Variants in PRKN observed in about 807,000 individuals in gnomAD.
PRKN encodes E3 ubiquitin-protein ligase parkin.
PRKN carries 56 observed loss-of-function variants against 59.5 expected under a neutral mutation model. The observed-to-expected ratio is 0.94, with a 90% CI of 0.76 to 1.18. PRKN has a LOEUF of 1.18. Among genes scored for constraint, PRKN ranks in the 50% most tolerant of loss-of-function variants. The probability of loss-of-function intolerance (pLI) is 0.00; values close to 1 mark genes in which losing one functional copy is unlikely to be tolerated. For missense variants in PRKN, 657 were observed against 596.4 expected, an observed-to-expected ratio of 1.10 and a Z score of -1.06; for synonymous variants, 250 against 222.1, an observed-to-expected ratio of 1.13 and a Z score of -1.12.
In PRKN at chr6:162,629,557, T is replaced by A. The variant is rs558889413; in HGVS notation, c.7+98105A>T. ...ATGATGCTTTACATTTAAATTAATG[T>A]TAATTAATTGATAAAAGTTTCAGCA... On this transcript the variant is annotated intron_variant, in intron 1 of 11. Coordinates refer to ENST00000366898, the MANE Select transcript of PRKN (RefSeq NM_004562.3). 2.6e-5 allele frequency among the ~76,000 whole-genome samples: 4 copies of A among 152,278 alleles called. No homozygotes were observed. In the South Asian group the frequency reaches 8.3e-4, roughly 32 times the overall value.
chr6:161,792,957 T>C (rs1790696359), intron 6 of PRKN, among the ~76,000 whole-genome samples: 1 of 152,232 alleles, frequency 6.6e-6, no homozygotes, highest in African/African-American at 2.4e-5. Context: ...ATTTGATCTA[T>C]ATTTGGCAAA....
At chr6:161,709,691 C>A (rs1786659469) in intron 7 of PRKN, among the ~76,000 whole-genome samples, 1 of 152,126 alleles carries the variant, frequency 6.6e-6, no homozygotes, top group African/African-American at 2.4e-5. Context: ...TGTTATTTCC[C>A]TTTATTTATT....
chr6:161,909,762 G>A (rs1156458255), intron 6 of PRKN, among the ~76,000 whole-genome samples: 4 of 152,174 alleles, frequency 2.6e-5, no homozygotes, highest in Non-Finnish European at 5.9e-5. Context: ...TCCACAAATA[G>A]TCTATAAGAG....
At chr6:162,140,682 C>G (rs565229499) in intron 4 of PRKN, among the ~76,000 whole-genome samples, 1 of 151,348 alleles carries the variant, frequency 6.6e-6, no homozygotes, top group Non-Finnish European at 1.5e-5. Flanking sequence ...CAAACCAGTT[C>G]AAAAGGAGCG....
intron 6 of PRKN, among the ~76,000 whole-genome samples, chr6:161,902,560 A>ATCTATTTTTT (rs1554245457): frequency 1.6e-5 from 2 of 125,326 alleles, no homozygotes; most frequent in African/African-American, 6.3e-5. Context: ...TTATTTATTT[A>ATCTATTTTTT]TTTATTTTTT....
intron 4 of PRKN, among the ~76,000 whole-genome samples, chr6:162,070,339 T>G (rs1323912698): frequency 6.6e-6 from 1 of 152,196 alleles, no homozygotes; most frequent in Non-Finnish European, 1.5e-5. Flanking sequence ...CTGAAGTCCA[T>G]GCTTTTCTTG....
intron 9 of PRKN, among the ~76,000 whole-genome samples, chr6:161,506,559 C>T (rs1038426314): frequency 2.0e-5 from 3 of 152,114 alleles, no homozygotes; most frequent in Non-Finnish European, 2.9e-5. Flanking sequence ...TTAATGAATT[C>T]ATCAACAAAT....
intron 6 of PRKN, among the ~76,000 whole-genome samples, chr6:161,968,059 CACCCAGGCT>C (rs1780648509): frequency 6.6e-6 from 1 of 151,986 alleles, no homozygotes; most frequent in African/African-American, 2.4e-5. Context: ...TTCACTCTGT[CACCCAGGCT>C]GGAGTGCAGT....
In PRKN at chr6:161,902,564, A is replaced by ATCTATTTTTTTTTTTTTTT. The variant is rs1242030157; in HGVS notation, c.734+70737_734+70738insAAAAAAAAAAAAAAATAGA. On this transcript the variant is annotated intron_variant, in intron 6 of 11. Coordinates refer to ENST00000366898, the MANE Select transcript of PRKN (RefSeq NM_004562.3). The stretch of plus-strand genomic sequence containing the variant: ...TATCTATCTATTTATTTATTTATTT[A>ATCTATTTTTTTTTTTTTTT]TTTTTTTTTTTTTGCGACAGAGTCT... 1.6e-3 allele frequency among the ~76,000 whole-genome samples: 181 copies of ATCTATTTTTTTTTTTTTTT among 111,996 alleles called. 7 individuals carry two copies. The highest frequency in any genetic ancestry group is 1.8e-3 in the Non-Finnish European group (101 of 55,184). The allele number at this position is 111,996 out of a possible 152,430, so 73.5% of individuals were successfully genotyped here.
chr6:161,524,900 G>C (rs1562504183), intron 9 of PRKN, among the ~76,000 whole-genome samples: 1 of 152,174 alleles, frequency 6.6e-6, no homozygotes, highest in Admixed American at 6.6e-5. Context: ...CCTGTCAGAA[G>C]AGCAGGGCTG....
chr6:162,182,809 A>T (rs1028559495), intron 4 of PRKN, among the ~76,000 whole-genome samples: 1 of 152,218 alleles, frequency 6.6e-6, no homozygotes, highest in Admixed American at 6.5e-5. Flanking sequence ...TTCCAACAGC[A>T]TATGCTCATT....
chr6:162,604,329 C>T lies in PRKN; in HGVS notation c.7+123333G>A, dbSNP rs11961571. On this transcript the variant is annotated intron_variant, in intron 1 of 11. Transcript: ENST00000366898. ...CACCTGTGGTAATCCTTATTTGTTT[C>T]GCAGCCTGTGCTGAATGAAAACCAT... Among the ~76,000 whole-genome samples the T allele has an allele frequency of 5.5e-3, 838 of 152,256 alleles. 23 individuals are homozygous for T. In the East Asian group the frequency reaches 0.066, roughly 12 times the overall value.
intron 1 of PRKN, among the ~76,000 whole-genome samples, chr6:162,474,975 T>C (rs1335946850): frequency 1.3e-5 from 2 of 152,178 alleles, no homozygotes; most frequent in Non-Finnish European, 2.9e-5. Context: ...TGAAATCGAT[T>C]TTTTAATTAT....
intron 9 of PRKN, among the ~76,000 whole-genome samples, chr6:161,436,899 T>TGTCTCACTA (rs1244250346): frequency 6.6e-6 from 1 of 152,080 alleles, no homozygotes; most frequent in Non-Finnish European, 1.5e-5. Flanking sequence ...TCTGCAGCTC[T>TGTCTCACTA]GTCTCACTAC....
chr6:161,570,951 A>AT (rs1245583916), intron 7 of PRKN, among the ~76,000 whole-genome samples: 2 of 151,996 alleles, frequency 1.3e-5, no homozygotes, highest in African/African-American at 4.8e-5. Flanking sequence ...TTATACTATT[A>AT]TTTTTTTGAG....
intron 1 of PRKN, among the ~76,000 whole-genome samples, chr6:162,457,054 A>C (rs1398349961): frequency 1.3e-5 from 2 of 152,180 alleles, no homozygotes; most frequent in Admixed American, 6.5e-5. Context: ...AGAACACTCA[A>C]CCTCAACTGA....
At chr6:162,047,896 A>G (rs1582951673) in intron 5 of PRKN, among the ~76,000 whole-genome samples, 7 of 97,778 alleles carry the variant, frequency 7.2e-5, no homozygotes, top group Admixed American at 6.2e-4. Context: ...TACTGAGCCT[A>G]AGAGGGGGAA....
intron 1 of PRKN, among the ~76,000 whole-genome samples, 164 bp from the exon 2 acceptor site, chr6:162,443,637 T>C (rs1790170502): frequency 1.3e-5 from 2 of 152,186 alleles, no homozygotes; most frequent in Non-Finnish European, 2.9e-5. Flanking sequence ...AGAGCAATAT[T>C]TGGGAAAAAC....
At chr6:162,300,734 C>T (rs1000510275) in intron 2 of PRKN, among the ~76,000 whole-genome samples, 4 of 152,078 alleles carry the variant, frequency 2.6e-5, no homozygotes, top group African/African-American at 9.7e-5. Context: ...TTCACAGGAC[C>T]AACTAACAGG....
Sources: allele counts gnomAD v4.1 joint callset (sites outside exome capture counted in the v4.1 genomes callset), GRCh38; gene constraint gnomAD v4.1.1; transcripts MANE v1.5; gene names NCBI Gene and HGNC (gene_info 2026-07-23, HGNC 2026-07-21).